The following EDA variants were observed in gnomAD, a reference collection of about 807,000 sequenced individuals.
EDA encodes ectodysplasin-A.
A neutral mutation model predicts 23.6 loss-of-function variants in EDA; 2 were observed. The observed-to-expected ratio is 0.08, with a 90% CI of 0.03 to 0.27. The LOEUF (loss-of-function observed/expected upper bound fraction) is 0.27. Ranked by LOEUF, EDA falls within the 10% of genes least tolerant of loss-of-function variation. The pLI is 1.00. For missense variants in EDA, 229 were observed against 324.2 expected (o/e 0.71, Z 2.26); for synonymous variants, 131 against 132.0 (o/e 0.99, Z 0.05).
In EDA at chrX:69,937,472, A is replaced by G. The variant is rs912814615; in HGVS notation, c.397-19555A>G. The G allele has an allele frequency of 5.0e-6, 4 of 795,455 alleles. No individual in the cohort carries two copies. The African/African-American group carries it at 6.1e-5, about 12-fold the overall frequency. 65.6% of individuals were successfully genotyped at this position (795,455 alleles called of 1,213,427 possible). ...CAGGTAAAAACAATCGAAGGATCTC[A>G]AAGAAGTCAAGTTCTTCTTCAGGCA... On this transcript the variant is annotated intron_variant, in intron 1 of 7. Coordinates refer to ENST00000374552, the MANE Select transcript of EDA (RefSeq NM_001399.5).
chrX:69,935,049 G>C (rs986853257), intron 1 of EDA, among the ~76,000 whole-genome samples: 1 of 111,885 alleles, frequency 8.9e-6, no homozygotes, highest in Non-Finnish European at 1.9e-5. Flanking sequence ...GAGAATATAT[G>C]AAGTTTGTCT....
At chrX:70,029,427 C>T in intron 4 of EDA, 77 bp from the exon 5 acceptor site, 5 of 1,121,316 alleles carry the variant, frequency 4.5e-6, no homozygotes, top group Non-Finnish European at 6.1e-6. Flanking sequence ...GCATGGCTCA[C>T]CACCACTAGC....
intron 1 of EDA, among the ~76,000 whole-genome samples, chrX:69,857,415 T>A (rs1279032550): frequency 3.6e-5 from 4 of 111,465 alleles, no homozygotes; most frequent in Non-Finnish European, 7.5e-5. Context: ...ATGATGAAGG[T>A]ATTGTTATGG....
chrX:69,972,512 T>C (rs755833602), intron 2 of EDA, among the ~76,000 whole-genome samples: 23 of 111,791 alleles, frequency 2.1e-4, no homozygotes, highest in Non-Finnish European at 3.9e-4. Context: ...AGGACTTCGT[T>C]AGTAACAAAA....
chrX:69,864,836 C>T (rs1275203763), intron 1 of EDA, among the ~76,000 whole-genome samples: 2 of 110,309 alleles, frequency 1.8e-5, no homozygotes, highest in African/African-American at 3.3e-5. Context: ...ACTAAAATTA[C>T]AAAAATTAGC....
intron 1 of EDA, among the ~76,000 whole-genome samples, chrX:69,679,604 G>C (rs916370357): frequency 2.7e-5 from 3 of 111,996 alleles, no homozygotes; most frequent in Admixed American, 9.5e-5. Flanking sequence ...TAGTGTATTT[G>C]TGTAGAGGTG....
chrX:69,732,126 G>T (rs1383217067), intron 1 of EDA, among the ~76,000 whole-genome samples: 1 of 111,282 alleles, frequency 9.0e-6, no homozygotes, highest in East Asian at 2.8e-4. Context: ...ATACTTTTAA[G>T]TTCTAGGGTA....
rs1953315699 is a variant in EDA at position 69,842,153 on chromosome X, C to T, written c.397-114874C>T. Among the ~76,000 whole-genome samples the T allele has an allele frequency of 3.6e-5, 4 of 111,511 alleles. No individual in the cohort carries two copies. In the South Asian group the frequency reaches 1.5e-3, roughly 43 times the overall value. On this transcript the variant is annotated intron_variant, in intron 1 of 7. Coordinates refer to ENST00000374552, the MANE Select transcript of EDA (RefSeq NM_001399.5). Reference sequence around the variant, plus strand: ...CATCACTTGCATTATCACCTAAGTTCCGCCTTCTATCAGATCAGCAGTGGC... The same window carrying T: ...CATCACTTGCATTATCACCTAAGTTTCGCCTTCTATCAGATCAGCAGTGGC...
At chrX:69,889,700 T>C (rs1249177092) in intron 1 of EDA, among the ~76,000 whole-genome samples, 1 of 112,101 alleles carries the variant, frequency 8.9e-6, no homozygotes, top group Admixed American at 9.5e-5. Context: ...CTAACAAATA[T>C]ATGACTGTAA....
chrX:69,738,974 T>G (rs922806074), intron 1 of EDA, among the ~76,000 whole-genome samples: 3 of 111,273 alleles, frequency 2.7e-5, no homozygotes, highest in African/African-American at 9.7e-5. Flanking sequence ...TCTTGTTGGA[T>G]AGAGTGTTAT....
At chrX:69,733,912 A>G (rs2013148108) in intron 1 of EDA, among the ~76,000 whole-genome samples, 1 of 89,782 alleles carries the variant, frequency 1.1e-5, no homozygotes, top group South Asian at 4.8e-4. Flanking sequence ...TTGTTGTAAT[A>G]TTTTTGCTTT....
intron 1 of EDA, among the ~76,000 whole-genome samples, chrX:69,621,878 C>T (rs903373541): frequency 1.3e-4 from 14 of 110,730 alleles, no homozygotes; most frequent in Non-Finnish European, 2.3e-4. Context: ...GTAGCTGGGA[C>T]CACAGGCACA....
intron 1 of EDA, among the ~76,000 whole-genome samples, chrX:69,724,460 A>G (rs1353920927): frequency 9.0e-6 from 1 of 111,205 alleles, no homozygotes; most frequent in Non-Finnish European, 1.9e-5. Flanking sequence ...CTGCTTCCAC[A>G]GTGTACCAAG....
rs545003265 is a variant in EDA, at chrX:69,757,416, T to G, written c.396+140712T>G. Among the ~76,000 whole-genome samples, 10 of 111,733 alleles carry G rather than the reference T, an allele frequency of 8.9e-5. No individual in the cohort carries two copies. The South Asian group carries it at 3.7e-3, about 41-fold the overall frequency. On this transcript the variant is annotated intron_variant, in intron 1 of 7. Coordinates refer to ENST00000374552, the MANE Select transcript of EDA (RefSeq NM_001399.5). ...CCAAGGTTAAGCATTAGTTGAAATC[T>G]CTCTTTTTTGAATAATATTGATTGC...
intron 1 of EDA, among the ~76,000 whole-genome samples, chrX:69,948,360 GT>G (rs777959665): frequency 1.8e-5 from 2 of 112,403 alleles, no homozygotes; most frequent in East Asian, 5.6e-4. Flanking sequence ...AAAAATGTTG[GT>G]TGTGTTTAGA....
intron 1 of EDA, among the ~76,000 whole-genome samples, chrX:69,766,627 C>G (rs2014478263): frequency 8.9e-6 from 1 of 112,247 alleles, no homozygotes; most frequent in Middle Eastern, 4.6e-3. Context: ...TGGTCTCATT[C>G]TCTTTCATGG....
At chrX:69,731,431 A>C (rs1162876440) in intron 1 of EDA, among the ~76,000 whole-genome samples, 10 of 110,182 alleles carry the variant, frequency 9.1e-5, no homozygotes. Flanking sequence ...TGAAGCCTTT[A>C]TTCTTTTTCT....
intron 1 of EDA, among the ~76,000 whole-genome samples, chrX:69,618,454 A>G (rs188173206): frequency 2.7e-5 from 3 of 112,176 alleles, no homozygotes; most frequent in Non-Finnish European, 3.8e-5. Context: ...CAAGGATACT[A>G]GCTCTTTACA....
intron 1 of EDA, among the ~76,000 whole-genome samples, chrX:69,867,042 C>G (rs2017497480): frequency 8.9e-6 from 1 of 112,104 alleles, no homozygotes; most frequent in African/African-American, 3.2e-5. Flanking sequence ...TATAATCAAC[C>G]TGCCACCAGG....
Sources: allele counts gnomAD v4.1 joint callset (sites outside exome capture counted in the v4.1 genomes callset), GRCh38; gene constraint gnomAD v4.1.1; transcripts MANE v1.5; gene names NCBI Gene and HGNC (gene_info 2026-07-23, HGNC 2026-07-21).